Variants in MB21D2 observed in about 807,000 individuals in gnomAD.
MB21D2 encodes the protein Mab-21 domain containing 2, also known as nucleotidyltransferase MB21D2.
Under a neutral mutation model 33.3 loss-of-function variants are expected in MB21D2, and 9 were observed. The ratio of observed to expected loss-of-function variants is 0.27; its 90% confidence interval spans 0.16 to 0.47. The LOEUF is 0.47. Ranked by LOEUF, MB21D2 falls within the 20% of genes least tolerant of loss-of-function variation. The pLI is 0.99. For synonymous variants in MB21D2, 241 were observed against 236.3 expected, an observed-to-expected ratio of 1.02 and a Z score of -0.18; for missense variants, 540 against 624.6, an observed-to-expected ratio of 0.86 and a Z score of 1.44.
chr3:192,820,721 C>A (rs1712030062), intron 1 of MB21D2, among the ~76,000 whole-genome samples: 1 of 152,224 alleles, frequency 6.6e-6, no homozygotes, highest in Non-Finnish European at 1.5e-5. Context: ...TCTGGAGGTA[C>A]AACTTCTGAC....
At chr3:192,864,444 C>T (rs1362199144) in intron 1 of MB21D2, among the ~76,000 whole-genome samples, 1 of 152,202 alleles carries the variant, frequency 6.6e-6, no homozygotes, top group Non-Finnish European at 1.5e-5. Flanking sequence ...CTCCTGGCCT[C>T]ATGCAATCCT....
intron 1 of MB21D2, among the ~76,000 whole-genome samples, chr3:192,806,323 A>G (rs1426322189): frequency 6.6e-6 from 1 of 152,176 alleles, no homozygotes; most frequent in African/African-American, 2.4e-5. Flanking sequence ...ATGTGTCCAT[A>G]CTCAAGTCCC....
At chr3:192,876,767 G>T (rs1392661) in intron 1 of MB21D2, among the ~76,000 whole-genome samples, 90,533 of 151,978 alleles carry the variant, frequency 0.6, 28,410 homozygotes, top group African/African-American at 0.79. Flanking sequence ...TGGCTACAGT[G>T]CTCTTTCTTT....
At chr3:192,876,790 T>G (rs1161140357) in intron 1 of MB21D2, among the ~76,000 whole-genome samples, 1 of 152,178 alleles carries the variant, frequency 6.6e-6, no homozygotes, top group African/African-American at 2.4e-5. Context: ...CACTCCTTCC[T>G]CCCTTTTGGT....
chr3:192,901,512 A>G (rs1194690571), intron 1 of MB21D2, among the ~76,000 whole-genome samples: 1 of 151,772 alleles, frequency 6.6e-6, no homozygotes, highest in Non-Finnish European at 1.5e-5. Flanking sequence ...ATTCCTCTGC[A>G]TCATGAGCAC....
intron 1 of MB21D2, among the ~76,000 whole-genome samples, chr3:192,875,674 T>C (rs9858402): frequency 0.61 from 93,022 of 152,058 alleles, 30,344 homozygotes; most frequent in African/African-American, 0.84. Context: ...TTAGAGACAA[T>C]AACATGATTA....
chr3:192,834,494 T>C (rs899078922), intron 1 of MB21D2, among the ~76,000 whole-genome samples: 5 of 151,702 alleles, frequency 3.3e-5, no homozygotes, highest in Admixed American at 3.3e-4. Flanking sequence ...ATTCCACTGC[T>C]TTTCTATCAT....
At chr3:192,828,742 A>G (rs1263545978) in intron 1 of MB21D2, among the ~76,000 whole-genome samples, 2 of 147,486 alleles carry the variant, frequency 1.4e-5, no homozygotes, top group Non-Finnish European at 3.0e-5. Flanking sequence ...TGCGCCTCCC[A>G]GGTTCATGCC....
chr3:192,910,173 A>G (rs1220988550), intron 1 of MB21D2, among the ~76,000 whole-genome samples: 2 of 151,452 alleles, frequency 1.3e-5, no homozygotes, highest in Non-Finnish European at 2.9e-5. Context: ...ATTATTAAAT[A>G]ATAGAATAGA....
At position 192,818,378 on chromosome 3, in the gene MB21D2, G is replaced by C. The variant is rs192539169; in HGVS notation, c.212-18728C>G. Among the ~76,000 whole-genome samples, 38 of 152,232 alleles carry C rather than the reference G, an allele frequency of 2.5e-4. 1 individual carries two copies. The East Asian group carries it at 4.8e-3, about 19-fold the overall frequency. On this transcript the variant is annotated intron_variant, in intron 1 of 1. Transcript: ENST00000392452. ...ATGATGTCAGCACAATTAAAAGTTG[G>C]ATTGCTTTCACATGCAATTTTCCTA...
intron 1 of MB21D2, among the ~76,000 whole-genome samples, chr3:192,879,416 C>T (rs777677410): frequency 3.9e-5 from 6 of 152,362 alleles, no homozygotes; most frequent in Admixed American, 1.3e-4. Flanking sequence ...GCATTAACCA[C>T]GGGCACAAAG....
chr3:192,916,335 GGAA>G (rs1714465602), intron 1 of MB21D2, among the ~76,000 whole-genome samples: 1 of 152,068 alleles, frequency 6.6e-6, no homozygotes, highest in African/African-American at 2.4e-5. Flanking sequence ...TGGGCAGTGA[GGAA>G]GAAGAAAACC....
intron 1 of MB21D2, among the ~76,000 whole-genome samples, chr3:192,854,590 A>G (rs1373052659): frequency 6.6e-6 from 1 of 152,246 alleles, no homozygotes; most frequent in African/African-American, 2.4e-5. Context: ...CAGCGTTTCA[A>G]TGGAGATGAA....
chr3:192,818,043 CTCCT>C (rs1711965280), intron 1 of MB21D2, among the ~76,000 whole-genome samples: 1 of 151,906 alleles, frequency 6.6e-6, no homozygotes, highest in Admixed American at 6.5e-5. Context: ...TGTGCCCTCC[CTCCT>C]TGCCTGCTGA....
chr3:192,820,200 C>A (rs1712013803), intron 1 of MB21D2, among the ~76,000 whole-genome samples: 1 of 152,192 alleles, frequency 6.6e-6, no homozygotes, highest in African/African-American at 2.4e-5. Context: ...ACACACCCCC[C>A]AGAAACACAC....
chr3:192,855,346 C>T (rs1245445123), intron 1 of MB21D2, among the ~76,000 whole-genome samples: 1 of 152,198 alleles, frequency 6.6e-6, no homozygotes, highest in East Asian at 1.9e-4. Flanking sequence ...ATCTGCCTGC[C>T]TCGGGCTCCC....
At chr3:192,870,780 TTA>T (rs1491147600) in intron 1 of MB21D2, among the ~76,000 whole-genome samples, 14 of 31,230 alleles carry the variant, frequency 4.5e-4, no homozygotes, top group African/African-American at 4.2e-3. Flanking sequence ...TTCGAGGAGT[TTA>T]AAAAAAAAAT....
intron 1 of MB21D2, among the ~76,000 whole-genome samples, chr3:192,880,979 A>G (rs985877171): frequency 1.3e-5 from 2 of 151,704 alleles, no homozygotes; most frequent in Non-Finnish European, 2.9e-5. Context: ...ACACACAAAC[A>G]TATATATTTA....
chr3:192,838,521 C>T (rs970088642), intron 1 of MB21D2, among the ~76,000 whole-genome samples: 19 of 151,690 alleles, frequency 1.3e-4, no homozygotes, highest in South Asian at 2.1e-4. Context: ...CTCCGCCTCC[C>T]GGGTTCACAC....
Sources: gnomAD v4.1 joint callset for allele counts (sites outside exome capture counted in the v4.1 genomes callset) on GRCh38, gnomAD v4.1.1 for gene constraint, MANE v1.5 for transcripts, NCBI Gene and HGNC (gene_info 2026-07-23, HGNC 2026-07-21) for gene names.